CLEC16A: variants seen among roughly 807,000 people sequenced by gnomAD.
CLEC16A encodes C-type lectin domain containing 16A.
In CLEC16A, 51 loss-of-function variants were observed where a neutral mutation model predicts 109.5. That is an observed-to-expected ratio of 0.47 (90% CI 0.37 to 0.59). CLEC16A has a LOEUF of 0.59. Among genes scored for constraint, CLEC16A ranks in the 20% least tolerant of loss-of-function variants. The probability of loss-of-function intolerance (pLI) is 0.00; values close to 1 mark genes in which losing one functional copy is unlikely to be tolerated. For missense variants in CLEC16A, 1,339 were observed against 1,394.0 expected, an observed-to-expected ratio of 0.96 and a Z score of 0.63; for synonymous variants, 673 against 564.2, an observed-to-expected ratio of 1.19 and a Z score of -2.73.
chr16:11,020,383 T>G (rs2046025921), intron 12 of CLEC16A, 58 bp downstream of exon 12: 1 of 1,521,710 alleles, frequency 6.6e-7, no homozygotes, highest in East Asian at 2.4e-5. Context: ...GAGGGCTCAG[T>G]GGGGAGGTTG....
At chr16:10,989,858 C>CCTGGT (rs2043895707) in intron 10 of CLEC16A, among the ~76,000 whole-genome samples, 2 of 152,180 alleles carry the variant, frequency 1.3e-5, no homozygotes, top group South Asian at 4.1e-4. Context: ...ACTTAGCTCC[C>CCTGGT]CTGGTCGCTG....
intron 1 of CLEC16A, among the ~76,000 whole-genome samples, chr16:10,948,173 A>T (rs56351428): frequency 6.6e-6 from 1 of 152,196 alleles, no homozygotes; most frequent in East Asian, 1.9e-4. Context: ...GATTACAGGC[A>T]TGAGCCACTG....
chr16:11,027,125 A>G (rs1321666573), intron 13 of CLEC16A: 7 of 1,493,864 alleles, frequency 4.7e-6, no homozygotes, highest in African/African-American at 4.1e-5. Context: ...CAAAGCAGGA[A>G]CTTTTGGCAA....
intron 13 of CLEC16A, chr16:11,027,517 T>A: frequency 6.3e-7 from 1 of 1,577,764 alleles, no homozygotes; most frequent in South Asian, 1.1e-5. Context: ...AGTAAGACCA[T>A]CCCTCTGACA....
intron 1 of CLEC16A, among the ~76,000 whole-genome samples, chr16:10,953,472 T>C (rs776355920): frequency 2.0e-5 from 3 of 152,202 alleles, no homozygotes; most frequent in Admixed American, 6.5e-5. Flanking sequence ...AAGAACCTCT[T>C]AAGCTTGATA....
chr16:11,086,891 C>T (rs1021369685), intron 19 of CLEC16A, among the ~76,000 whole-genome samples: 3 of 152,150 alleles, frequency 2.0e-5, no homozygotes, highest in Admixed American at 6.5e-5. Flanking sequence ...CACCTCAGCT[C>T]GACAGAGGCA....
chr16:11,171,160 G>C (rs919361372), intron 23 of CLEC16A, among the ~76,000 whole-genome samples: 1 of 152,200 alleles, frequency 6.6e-6, no homozygotes, highest in Middle Eastern at 3.2e-3. Context: ...TCAGGGCCGC[G>C]GCCTATAGCC....
intron 3 of CLEC16A, among the ~76,000 whole-genome samples, chr16:10,963,667 C>T (rs1378599309): frequency 1.3e-5 from 2 of 152,218 alleles, no homozygotes; most frequent in African/African-American, 4.8e-5. Context: ...TCAGTTTCGT[C>T]ATCCGTAATA....
At chr16:11,026,903 C>A in intron 13 of CLEC16A, 1 of 829,590 alleles carries the variant, frequency 1.2e-6, no homozygotes, top group South Asian at 1.7e-5. Context: ...GCTAAGTGAA[C>A]GCTGACTGGG....
At chr16:10,951,884 C>T (rs551750848) in intron 1 of CLEC16A, among the ~76,000 whole-genome samples, 21 of 152,250 alleles carry the variant, frequency 1.4e-4, no homozygotes, top group African/African-American at 4.1e-4. Context: ...ATCTTAATGC[C>T]CTTCAAAAGA....
rs1461947435 is a variant in CLEC16A, at chr16:11,181,045, G to A, written c.*2355G>A. ...CAGCTGGGGCTGGCAACTTGCGTCT[G>A]GGGGACACCTCCAGGTGTGTGGGGT... On this transcript the variant is annotated 3_prime_UTR_variant, in exon 24 of 24. Transcript: ENST00000409790. The A allele has an allele frequency of 6.6e-6, 1 of 152,426 alleles. No homozygotes were observed. Among genetic ancestry groups the A allele is most frequent in the Non-Finnish European group, 1.5e-5 (1 of 68,202 alleles). 9.4% of individuals were successfully genotyped at this position (152,426 alleles called of 1,614,324 possible). A position where few individuals can be genotyped will look rare whatever the true frequency, so the allele number is the denominator to read the frequency against.
At chr16:11,139,178 A>G (rs1428514739) in intron 22 of CLEC16A, among the ~76,000 whole-genome samples, 1 of 152,126 alleles carries the variant, frequency 6.6e-6, no homozygotes, top group Admixed American at 6.6e-5. Context: ...TGTGGTGACT[A>G]GAAGGGTCCC....
At chr16:11,162,225 C>A (rs1222715583) in intron 22 of CLEC16A, among the ~76,000 whole-genome samples, 1 of 152,236 alleles carries the variant, frequency 6.6e-6, no homozygotes. Context: ...GACCGTGAAA[C>A]TGGGGGCTCC....
intron 19 of CLEC16A, among the ~76,000 whole-genome samples, chr16:11,073,798 T>C (rs538909340): frequency 6.6e-6 from 1 of 152,350 alleles, no homozygotes; most frequent in East Asian, 1.9e-4. Context: ...GCCTGGCACA[T>C]AGTAGACACT....
intron 10 of CLEC16A, among the ~76,000 whole-genome samples, chr16:10,983,696 A>T (rs182532050): frequency 2.6e-3 from 388 of 152,142 alleles, no homozygotes; most frequent in Non-Finnish European, 4.4e-3. Context: ...CTCTGCTGTC[A>T]TCTCTCAGAT....
intron 22 of CLEC16A, among the ~76,000 whole-genome samples, chr16:11,145,499 C>A (rs977513189): frequency 6.6e-6 from 1 of 152,274 alleles, no homozygotes; most frequent in Non-Finnish European, 1.5e-5. Flanking sequence ...CTCTCACCAC[C>A]ACACCTGTCT....
At chr16:11,132,322 A>G (rs2053270110) in intron 22 of CLEC16A, among the ~76,000 whole-genome samples, 1 of 147,920 alleles carries the variant, frequency 6.8e-6, no homozygotes, top group Admixed American at 7.0e-5. Flanking sequence ...GGTATTTCAT[A>G]TCAATCATAC....
At chr16:11,073,083 A>G (rs1238231581) in intron 19 of CLEC16A, among the ~76,000 whole-genome samples, 1 of 152,218 alleles carries the variant, frequency 6.6e-6, no homozygotes, top group Non-Finnish European at 1.5e-5. Flanking sequence ...CGGTTTGCTT[A>G]GTGCTGACTC....
chr16:10,963,178 T>A (rs2042337423), intron 3 of CLEC16A, among the ~76,000 whole-genome samples: 1 of 152,158 alleles, frequency 6.6e-6, no homozygotes, highest in African/African-American at 2.4e-5. Context: ...CATCTGTGTG[T>A]GAGTGGAGAG....
Sources: allele counts gnomAD v4.1 joint callset (sites outside exome capture counted in the v4.1 genomes callset), GRCh38; gene constraint gnomAD v4.1.1; transcripts MANE v1.5; gene names NCBI Gene and HGNC (gene_info 2026-07-23, HGNC 2026-07-21).